RBFOX3: variants seen among roughly 807,000 people sequenced by gnomAD.
The protein encoded by RBFOX3 is RNA binding fox-1 homolog 3, also known as RNA binding protein fox-1 homolog 3.
Under a neutral mutation model 48.7 loss-of-function variants are expected in RBFOX3, and 17 were observed. The observed-to-expected ratio is 0.35, with a 90% confidence interval of 0.24 to 0.52. The LOEUF is 0.52. RBFOX3 is among the 20% of genes least tolerant of loss of function. RBFOX3 has a pLI of 0.94. For synonymous variants in RBFOX3, 212 were observed against 209.5 expected (o/e 1.01, Z -0.10); for missense variants, 382 against 497.5 (o/e 0.77, Z 2.21).
chr17:79,210,516 G>A (rs551668571), intron 4 of RBFOX3, among the ~76,000 whole-genome samples: 7 of 152,310 alleles, frequency 4.6e-5, no homozygotes, highest in East Asian at 3.9e-4. Context: ...CCTTTACGGC[G>A]GACAGGTAAG....
At chr17:79,307,139 G>C (rs1401460081) in intron 3 of RBFOX3, among the ~76,000 whole-genome samples, 1 of 152,240 alleles carries the variant, frequency 6.6e-6, no homozygotes, top group Non-Finnish European at 1.5e-5. Context: ...CTAAATATAG[G>C]CTGCGGCCAC....
chr17:79,097,447 C>A lies in RBFOX3; in HGVS notation c.623-23G>T, dbSNP rs1446987676. On this transcript the variant is annotated intron_variant, in intron 10 of 14. Coordinates refer to ENST00000693108, the MANE Select transcript of RBFOX3 (RefSeq NM_001350451.2). Reference sequence around the variant, plus strand: ...TCACTGCAGGAAACGGGGCCCGAGACACGTGTGAGAGGCACAAGGGGACCC... The same window carrying A: ...TCACTGCAGGAAACGGGGCCCGAGAAACGTGTGAGAGGCACAAGGGGACCC... 7 of 1,532,266 alleles carry A rather than the reference C, an allele frequency of 4.6e-6. No homozygotes were observed. The South Asian group carries it at 6.1e-5, about 13-fold the overall frequency. 94.9% of individuals were successfully genotyped at this position (1,532,266 alleles called of 1,614,324 possible).
intron 2 of RBFOX3, among the ~76,000 whole-genome samples, chr17:79,427,411 AG>A (rs2067588388): frequency 6.6e-6 from 1 of 152,234 alleles, no homozygotes; most frequent in Non-Finnish European, 1.5e-5. Flanking sequence ...GGGCGACTGC[AG>A]GGGGCCTTCC....
upstream of RBFOX3, among the ~76,000 whole-genome samples, chr17:79,611,602 TG>T (rs1568454993): frequency 2.6e-5 from 4 of 152,068 alleles, no homozygotes; most frequent in Non-Finnish European, 5.9e-5. Flanking sequence ...TCGCTGTCCC[TG>T]GGGGCCATTT....
chr17:79,526,457 G>T (rs2086809319), intron 1 of RBFOX3, among the ~76,000 whole-genome samples: 1 of 152,252 alleles, frequency 6.6e-6, no homozygotes, highest in Non-Finnish European at 1.5e-5. Context: ...CTGCAAGGCT[G>T]TGCCTCCGCC....
rs992516358 is a variant in RBFOX3, at chr17:79,420,625, G to C, written c.-175+61829C>G. Among the ~76,000 whole-genome samples, 8 of 152,334 alleles carry C rather than the reference G, an allele frequency of 5.3e-5. No individual in the cohort carries two copies. The South Asian group carries it at 1.4e-3, about 28-fold the overall frequency. ...CTGTTAGCAGGCAGGGCAGGCCTAG[G>C]GGAGGGAAGTGCACGGGAACCGCTT... On this transcript the variant is annotated intron_variant, in intron 2 of 14. Coordinates refer to ENST00000693108, the MANE Select transcript of RBFOX3 (RefSeq NM_001350451.2).
At chr17:79,360,766 T>C (rs2086177658) in intron 2 of RBFOX3, among the ~76,000 whole-genome samples, 1 of 151,726 alleles carries the variant, frequency 6.6e-6, no homozygotes, top group Non-Finnish European at 1.5e-5. Flanking sequence ...AACTCTGCCA[T>C]GGAAACTCAG....
At chr17:79,131,155 CGT>C (rs549680055) in intron 4 of RBFOX3, among the ~76,000 whole-genome samples, 28 of 151,492 alleles carry the variant, frequency 1.8e-4, no homozygotes, top group South Asian at 1.0e-3. Context: ...TTGTGTGTAC[CGT>C]GTGTGAGCCA....
rs868564637 is a variant in RBFOX3, at chr17:79,240,600, T to C, written c.-73-4795A>G. Among the ~76,000 whole-genome samples the C allele has an allele frequency of 2.0e-5, 3 of 152,372 alleles. No homozygotes were observed. In the South Asian group the frequency reaches 6.2e-4, roughly 32 times the overall value. On this transcript the variant is annotated intron_variant, in intron 3 of 14. Coordinates refer to ENST00000693108, the MANE Select transcript of RBFOX3 (RefSeq NM_001350451.2). ...ATTAGGGACACATTCCTACCCTTGA[T>C]ACCAAGATGAGAGAAAGGATACTCT...
chr17:79,512,164 C>T (rs1398494234), intron 1 of RBFOX3, among the ~76,000 whole-genome samples: 2 of 141,530 alleles, frequency 1.4e-5, no homozygotes, highest in African/African-American at 2.6e-5. Flanking sequence ...GGCCAGGGGA[C>T]ACCCACCCGG....
intron 10 of RBFOX3, 22 bp downstream of exon 10, chr17:79,097,670 C>CCCCCCCCCCCCCCG: frequency 6.5e-7 from 1 of 1,528,760 alleles, no homozygotes; most frequent in Non-Finnish European, 8.9e-7. Context: ...TCATCCCATC[C>CCCCCCCCCCCCCCG]CCGCCCCGCC....
chr17:79,568,968 G>T (rs2092567907), intron 1 of RBFOX3, among the ~76,000 whole-genome samples: 1 of 151,940 alleles, frequency 6.6e-6, no homozygotes, highest in African/African-American at 2.4e-5. Flanking sequence ...TAGATGCTTA[G>T]GTATCTGCCT....
Position 79,535,506 on chromosome 17 carries a change from C to T in RBFOX3, c.-319-52908G>A, listed in dbSNP as rs1555788495. On this transcript the variant is annotated intron_variant, in intron 1 of 14. Transcript: ENST00000693108. The surrounding 1 kb of genome is among the most constrained non-coding windows in gnomAD (Gnocchi z 4.5). ...ACTCTCCCCTGTTACCCAAGTGAGT[C>T]ACCCCAAACGAATGAGGCCCTCAGA... Among the ~76,000 whole-genome samples, 2 of 152,160 alleles carry T rather than the reference C, an allele frequency of 1.3e-5. No homozygotes were observed. The highest frequency in any genetic ancestry group is 4.8e-5 in the African/African-American group (2 of 41,452).
At chr17:79,106,420 C>T (rs2077376892) in intron 6 of RBFOX3, among the ~76,000 whole-genome samples, 1 of 151,974 alleles carries the variant, frequency 6.6e-6, no homozygotes. Context: ...ACAGATCCCC[C>T]TACTCCTCAG....
the RBFOX3 span, among the ~76,000 whole-genome samples, chr17:79,661,114 C>G: frequency 9.9e-5 from 15 of 152,234 alleles, no homozygotes; most frequent in South Asian, 1.7e-3. Flanking sequence ...ATAACACACA[C>G]TGAGGCCTGT....
intron 3 of RBFOX3, among the ~76,000 whole-genome samples, chr17:79,246,055 C>CA (rs147469217): frequency 0.12 from 17,991 of 152,090 alleles, 1,176 homozygotes; most frequent in East Asian, 0.21. Flanking sequence ...CTGGTTGTAT[C>CA]AAAAAGCCCC....
chr17:79,097,658 T>A, intron 10 of RBFOX3, 34 bp downstream of exon 10: 1 of 1,333,524 alleles, frequency 7.5e-7, no homozygotes, highest in Non-Finnish European at 1.0e-6. Flanking sequence ...AAGTAGCTGG[T>A]CTCATCCCAT....
rs1039062930 is a variant in RBFOX3 at position 79,331,840 on chromosome 17, G to A, written c.-174-24016C>T. Reference sequence around the variant, plus strand: ...ACAGCACAGAATCCCAGTTTTCTTCGACTATTTTTCTCAATGCCCCTGGAA... The same window carrying A: ...ACAGCACAGAATCCCAGTTTTCTTCAACTATTTTTCTCAATGCCCCTGGAA... On this transcript the variant is annotated intron_variant, in intron 2 of 14. Transcript: ENST00000693108. 9.9e-5 allele frequency among the ~76,000 whole-genome samples: 15 copies of A among 152,160 alleles called. No individual in the cohort carries two copies. The East Asian group carries it at 2.1e-3, about 22-fold the overall frequency.
At chr17:79,389,053 A>G (rs963835133) in intron 2 of RBFOX3, among the ~76,000 whole-genome samples, 1 of 152,012 alleles carries the variant, frequency 6.6e-6, no homozygotes, top group Non-Finnish European at 1.5e-5. Flanking sequence ...CTTCCTCCAC[A>G]CTGACCATGA....
Sources: gnomAD v4.1 joint callset for allele counts (sites outside exome capture counted in the v4.1 genomes callset) on GRCh38, gnomAD v4.1.1 for gene constraint, Gnocchi (gnomAD v3.1) non-coding constraint, MANE v1.5 for transcripts, NCBI Gene and HGNC (gene_info 2026-07-23, HGNC 2026-07-21) for gene names.